The following GRIP1 variants were observed in gnomAD, a reference collection of about 807,000 sequenced individuals.
GRIP1 encodes glutamate receptor interacting protein 1.
In GRIP1, 45 loss-of-function variants were observed where a neutral mutation model predicts 129.9. That is an observed-to-expected ratio of 0.35 (90% CI 0.27 to 0.44). The LOEUF is 0.44. Among genes scored for constraint, GRIP1 ranks in the 20% least tolerant of loss-of-function variants. GRIP1 has a pLI of 1.00. For synonymous variants in GRIP1, 530 were observed against 520.8 expected (o/e 1.02, Z -0.24); for missense variants, 1,196 against 1,396.8 (o/e 0.86, Z 2.29).
chr12:66,752,426 T>C (rs922967023), intron 1 of GRIP1, among the ~76,000 whole-genome samples: 2 of 152,188 alleles, frequency 1.3e-5, no homozygotes, highest in African/African-American at 4.8e-5. Context: ...TGCATTCTGA[T>C]ACAGAACTGA....
intron 16 of GRIP1, among the ~76,000 whole-genome samples, chr12:66,404,839 C>A (rs1470398717): frequency 6.6e-6 from 1 of 152,108 alleles, no homozygotes; most frequent in Non-Finnish European, 1.5e-5. Flanking sequence ...TGAGACCAGC[C>A]TGGCCAACAT....
chr12:66,741,346 C>G (rs1469099494), intron 1 of GRIP1, among the ~76,000 whole-genome samples: 1 of 152,146 alleles, frequency 6.6e-6, no homozygotes, highest in Admixed American at 6.5e-5. Context: ...ATCTCCACCT[C>G]CTACATTAAA....
chr12:66,653,265 C>T (rs1163823903), intron 1 of GRIP1, among the ~76,000 whole-genome samples: 2 of 152,148 alleles, frequency 1.3e-5, no homozygotes, highest in African/African-American at 4.8e-5. Flanking sequence ...CCCATCATAA[C>T]TTTCCAAATA....
chr12:66,936,357 T>C (rs1043252797), intron 1 of GRIP1, among the ~76,000 whole-genome samples: 11 of 142,828 alleles, frequency 7.7e-5, no homozygotes, highest in South Asian at 2.2e-4. Context: ...GCCCAGGAGG[T>C]AGAGGCTGCA....
chr12:67,014,121 A>G (rs1310567253), intron 1 of GRIP1, among the ~76,000 whole-genome samples: 1 of 152,206 alleles, frequency 6.6e-6, no homozygotes, highest in African/African-American at 2.4e-5. Flanking sequence ...TGATCAAGCC[A>G]TAACAGCACC....
At chr12:66,376,881 C>T in intron 22 of GRIP1, 136 bp downstream of exon 22, 1 of 784,078 alleles carries the variant, frequency 1.3e-6, no homozygotes, top group Non-Finnish European at 2.3e-6. Context: ...GCAGAAGCCA[C>T]AAGTCAGTAA....
chr12:67,063,563 C>T (rs996654209), intron 1 of GRIP1, among the ~76,000 whole-genome samples: 3 of 152,062 alleles, frequency 2.0e-5, no homozygotes, highest in African/African-American at 4.8e-5. Flanking sequence ...CATTTGGCTT[C>T]GCATTTGAAT....
intron 7 of GRIP1, among the ~76,000 whole-genome samples, chr12:66,511,734 A>T (rs993365446): frequency 1.7e-4 from 26 of 152,184 alleles, no homozygotes; most frequent in Non-Finnish European, 3.5e-4. Flanking sequence ...TCTTGCCATG[A>T]CATAGGAGAG....
chr12:67,017,839 T>A (rs145717184), intron 1 of GRIP1, among the ~76,000 whole-genome samples: 68 of 152,258 alleles, frequency 4.5e-4, no homozygotes, highest in African/African-American at 1.6e-3. Context: ...AGAGAAGCCA[T>A]TGGGGCTTTT....
chr12:66,757,663 G>A (rs545910795), intron 1 of GRIP1, among the ~76,000 whole-genome samples: 1 of 152,068 alleles, frequency 6.6e-6, no homozygotes, highest in Non-Finnish European at 1.5e-5. Flanking sequence ...TTTTTTAAGG[G>A]ACCTCCAAAT....
At chr12:66,379,190 A>G in intron 20 of GRIP1, 90 bp downstream of exon 20, 1 of 1,276,228 alleles carries the variant, frequency 7.8e-7, no homozygotes, top group Non-Finnish European at 1.1e-6. Context: ...CATACTAACA[A>G]TATGTGCTAC....
chr12:66,735,983 G>A (rs1206926265), intron 1 of GRIP1, among the ~76,000 whole-genome samples: 2 of 152,096 alleles, frequency 1.3e-5, no homozygotes, highest in African/African-American at 4.8e-5. Flanking sequence ...ACACATATGA[G>A]ATGTGGCACC....
At chr12:66,978,167 C>G (rs959338590) in intron 1 of GRIP1, among the ~76,000 whole-genome samples, 19 of 151,452 alleles carry the variant, frequency 1.3e-4, no homozygotes, top group South Asian at 4.2e-4. Flanking sequence ...ACTTTAAATC[C>G]AAACCCAGAA....
rs575643826 is a variant in GRIP1 at position 66,543,128 on chromosome 12, A to T, written c.137-1178T>A. ...ACATTAGGTAAGGAAACAGTATCTCAACTGATCTAGTGAGGAGAACAGAGT... is the reference window on the plus strand; with the variant it reads ...ACATTAGGTAAGGAAACAGTATCTCTACTGATCTAGTGAGGAGAACAGAGT... On this transcript the variant is annotated intron_variant, in intron 2 of 24. Transcript: ENST00000359742. Among the ~76,000 whole-genome samples, 60 of 152,282 alleles carry T rather than the reference A, an allele frequency of 3.9e-4. 1 individual carries two copies. Among genetic ancestry groups the T allele is most frequent in the African/African-American group, 1.4e-3 (59 of 41,572 alleles).
intron 19 of GRIP1, among the ~76,000 whole-genome samples, chr12:66,388,274 GATTA>G (rs145457846): frequency 0.029 from 4,338 of 152,116 alleles, 206 homozygotes; most frequent in African/African-American, 0.098. Context: ...TTAAAAAAGA[GATTA>G]ATTATATAAA....
At chr12:66,888,578 G>A (rs1430764165) in intron 1 of GRIP1, among the ~76,000 whole-genome samples, 1 of 152,106 alleles carries the variant, frequency 6.6e-6, no homozygotes, top group East Asian at 1.9e-4. Context: ...GGCCAGGCTG[G>A]TCTCAAACTC....
At chr12:66,944,146 T>C (rs2041630198) in intron 1 of GRIP1, among the ~76,000 whole-genome samples, 2 of 152,278 alleles carry the variant, frequency 1.3e-5, no homozygotes, top group Non-Finnish European at 2.9e-5. Context: ...CTTTCAGAGG[T>C]TGCTGTGTTG....
intron 1 of GRIP1, among the ~76,000 whole-genome samples, chr12:66,885,672 A>G (rs1455698660): frequency 6.6e-6 from 1 of 152,182 alleles, no homozygotes; most frequent in African/African-American, 2.4e-5. Context: ...AGCAACAGCA[A>G]GAACAACCAG....
chr12:66,775,962 G>A (rs1168004995), intron 1 of GRIP1, among the ~76,000 whole-genome samples: 2 of 152,294 alleles, frequency 1.3e-5, no homozygotes, highest in African/African-American at 4.8e-5. Context: ...TGCCAAAATG[G>A]AACATTTGTT....
Sources: gnomAD v4.1 joint callset for allele counts (sites outside exome capture counted in the v4.1 genomes callset) on GRCh38, gnomAD v4.1.1 for gene constraint, MANE v1.5 for transcripts, NCBI Gene and HGNC (gene_info 2026-07-23, HGNC 2026-07-21) for gene names.